ARL6IP4: variants seen among roughly 807,000 people sequenced by gnomAD.
The protein encoded by ARL6IP4 is ARF like GTPase 6 interacting protein 4, also known as ADP-ribosylation factor-like protein 6-interacting protein 4.
A neutral mutation model predicts 28.1 loss-of-function variants in ARL6IP4; 24 were observed. The ratio of observed to expected loss-of-function variants is 0.86; its 90% CI spans 0.62 to 1.20. The LOEUF is 1.20. ARL6IP4 is among the 50% of genes most tolerant of loss of function. The pLI, the probability that ARL6IP4 is intolerant of heterozygous loss-of-function variation, is 0.00. For missense variants in ARL6IP4, 343 were observed against 302.4 expected, an observed-to-expected ratio of 1.13 and a Z score of -1.00; for synonymous variants, 162 against 122.3, an observed-to-expected ratio of 1.32 and a Z score of -2.14.
intron 4 of ARL6IP4, 21 bp downstream of exon 4, chr12:122,982,095 CTT>C (rs2037701054): frequency 6.2e-7 from 1 of 1,607,996 alleles, no homozygotes; most frequent in African/African-American, 1.3e-5. Context: ...TTCGGCCTGA[CTT>C]ACACCACAGG....
rs754586842 is a variant in ARL6IP4, at chr12:122,981,347, G to A, written c.160+48G>A. On this transcript the variant is annotated intron_variant, in intron 2 of 5. Coordinates refer to ENST00000315580, the MANE Select transcript of ARL6IP4 (RefSeq NM_018694.4). ...AGAGGAGGCGCAGTTACTACCCGGG[G>A]AAGTCGGGCGAGCAGTGGTCGGGGA... 1.1e-5 allele frequency: 17 copies of A among 1,513,756 alleles called. No individual in the cohort carries two copies. The South Asian group carries it at 2.1e-4, about 19-fold the overall frequency. The allele number at this position is 1,513,756 out of a possible 1,614,324, so 93.8% of individuals were successfully genotyped here.
Position 122,981,849 on chromosome 12 carries a change from C to G in ARL6IP4, c.439C>G (p.Arg147Gly), listed in dbSNP as rs544394901. The stretch of plus-strand genomic sequence containing the variant: ...GGGCCCCTCGCTGGACCAGTGGCAC[C>G]GATCAGCTGGGGAGGAAGAGGATGG... ...LPGPSLDQWH[R>G]SAGEEEDGPV... The change falls in exon 3 of 6, where the codon CGA becomes GGA. Residue 147 changes from arginine (R) to glycine (G), a missense_variant. Transcript: ENST00000315580. The G allele has an allele frequency of 1.2e-6, 2 of 1,610,242 alleles. No homozygotes were observed. The highest frequency in any genetic ancestry group is 1.6e-4 in the Middle Eastern group (1 of 6,072).
rs766518769 is a variant in ARL6IP4, at chr12:122,982,523, CAGAG to C, written c.646_649del (p.Glu216SerfsTer?). The C allele has an allele frequency of 6.2e-6, 10 of 1,614,060 alleles. No homozygotes were observed. The highest frequency in any genetic ancestry group is 3.3e-5 in the Admixed American group (2 of 60,002). On this transcript the variant is annotated frameshift_variant, in exon 5 of 6. Coordinates refer to ENST00000315580, the MANE Select transcript of ARL6IP4 (RefSeq NM_018694.4). LOFTEE classifies it high-confidence loss of function. ...AGGAAATCGTAACCAAAGAACGACA[CAGAG>C]AGATCAACAAGGTGGGTGTGGCCCC...
In ARL6IP4 at chr12:122,982,536, A is replaced by G. The variant is rs575739194; in HGVS notation, c.655A>G (p.Lys219Glu). 1.4e-5 allele frequency: 23 copies of G among 1,614,110 alleles called. No individual in the cohort carries two copies. The South Asian group carries it at 2.1e-4, about 15-fold the overall frequency. ...CAAAGAACGACACAGAGAGATCAACAAGGTGGGTGTGGCCCCTCTGCCTGC... is the reference window on the plus strand; with the variant it reads ...CAAAGAACGACACAGAGAGATCAACGAGGTGGGTGTGGCCCCTCTGCCTGC... The part of the protein sequence containing the change: ...VTKERHREIN[K>E]QATRGDCLAF... Residue 219 changes from lysine to glutamate, a missense_variant and splice_region_variant, in exon 5 of 6, where the codon AAG becomes GAG. Transcript: ENST00000315580.
At chr12:122,980,293 T>C (rs1447099373), upstream of ARL6IP4, 1 of 1,272,772 alleles carries the variant, frequency 7.9e-7, no homozygotes, top group Non-Finnish European at 9.9e-7. Flanking sequence ...TGCCAAGATC[T>C]TTCTGGCCCC....
At chr12:122,981,416 C>T in intron 2 of ARL6IP4, 117 bp downstream of exon 2, 1 of 1,405,224 alleles carries the variant, frequency 7.1e-7, no homozygotes, top group Non-Finnish European at 9.4e-7. Flanking sequence ...GATGTGAGGG[C>T]CAGGCGCCGC....
chr12:122,980,853 C>T, intron 1 of ARL6IP4, 108 bp downstream of exon 1: 1 of 1,331,502 alleles, frequency 7.5e-7, no homozygotes, highest in Non-Finnish European at 9.5e-7. Flanking sequence ...CCACTCGCGG[C>T]GGACGGCGGC....
At chr12:122,980,468 G>C (rs550658632), upstream of ARL6IP4, 8 of 1,363,800 alleles carry the variant, frequency 5.9e-6, no homozygotes, top group East Asian at 8.5e-5. Context: ...GGGCGTGGGT[G>C]CTGCGGGCGT....
chr12:122,982,142 G>A, intron 4 of ARL6IP4, 68 bp downstream of exon 4: 1 of 1,552,896 alleles, frequency 6.4e-7, no homozygotes, highest in East Asian at 2.3e-5. Flanking sequence ...TGTGCTCTCG[G>A]GAGGAGTGGG....
Position 122,981,600 on chromosome 12 carries a change from A to G in ARL6IP4, c.190A>G (p.Ser64Gly). 6.4e-7 allele frequency: 1 copy of G among 1,559,246 alleles called. No homozygotes were observed. The highest frequency in any genetic ancestry group is 1.7e-4 in the Middle Eastern group (1 of 6,004). ...ACCTTCTCCCTGCATCACAGAGAGA[A>G]GCAAGCAGAAGGCCCGGAGGAGAAC... The part of the protein sequence containing the change: ...ASPSPCITER[S>G]KQKARRRTRS... Residue 64 changes from serine (S) to glycine (G), a missense_variant, in exon 3 of 6, where the codon AGC becomes GGC. Transcript: ENST00000315580.
At position 122,981,599 on chromosome 12, in the gene ARL6IP4, A is replaced by C; in HGVS notation, c.189A>C (p.Arg63Ser). 6.4e-7 allele frequency: 1 copy of C among 1,558,674 alleles called. No homozygotes were observed. The highest frequency in any genetic ancestry group is 8.7e-7 in the Non-Finnish European group (1 of 1,154,262). ...EASPSPCITE[R>S]SKQKARRRTR... ...CACCTTCTCCCTGCATCACAGAGAG[A>C]AGCAAGCAGAAGGCCCGGAGGAGAA... Residue 63 changes from arginine to serine, a missense_variant, in exon 3 of 6, where the codon AGA (arginine) becomes AGC (serine). By Grantham distance (110) the Arg-to-Ser change is moderately radical. Coordinates refer to ENST00000315580, the MANE Select transcript of ARL6IP4 (RefSeq NM_018694.4).
At position 122,982,707 on chromosome 12, in the gene ARL6IP4, C is replaced by T. The variant is rs367745682; in HGVS notation, c.*31C>T. On this transcript the variant is annotated 3_prime_UTR_variant, in exon 6 of 6. Coordinates refer to ENST00000315580, the MANE Select transcript of ARL6IP4 (RefSeq NM_018694.4). Reference sequence around the variant, plus strand: ...CCCGCTGGCCAAGGCCTGTGGACGACGCTGGCGGCCCAGCCTGGGCAGGTT... The same window carrying T: ...CCCGCTGGCCAAGGCCTGTGGACGATGCTGGCGGCCCAGCCTGGGCAGGTT... The T allele has an allele frequency of 1.9e-4, 303 of 1,605,304 alleles. 1 individual carries two copies. In the African/African-American group the frequency reaches 3.1e-3, roughly 17 times the overall value.
chr12:122,981,168 C>T lies in ARL6IP4; in HGVS notation c.29C>T (p.Ser10Leu), dbSNP rs374506555. 24 of 1,549,454 alleles carry T rather than the reference C, an allele frequency of 1.5e-5. No individual in the cohort carries two copies. The African/African-American group carries it at 2.9e-4, about 19-fold the overall frequency. Residue 10 changes from serine (S) to leucine (L), a missense_variant, in exon 2 of 6, where the codon TCG (serine) becomes TTG (leucine). Transcript: ENST00000315580. The stretch of plus-strand genomic sequence containing the variant: ...GCTCACGTCGGCTCCCGCAAGCGCT[C>T]GAGGAGTCGCAGCCGGTCCCGGGGA... MAHVGSRKRSRSRSRSRGRG... is the reference protein window; with the variant it reads MAHVGSRKRLRSRSRSRGRG...
At position 122,981,974 on chromosome 12, in the gene ARL6IP4, A is replaced by T. The variant is rs1317438912; in HGVS notation, c.487A>T (p.Lys163Ter). The change falls in exon 4 of 6, where the codon AAG becomes TAG. Residue 163 changes from lysine (K) to a stop codon, truncating the protein, a stop_gained. Transcript: ENST00000315580. LOFTEE classifies it high-confidence loss of function. Reference protein sequence around the residue: ...EDGPVLTDEQKSRIQAMKPMT... With the variant: ...EDGPVLTDEQ ...CCTTCCAGTCCTGACGGATGAGCAGAAGTCCCGAATCCAGGCCATGAAGCC... is the reference window on the plus strand; with the variant it reads ...CCTTCCAGTCCTGACGGATGAGCAGTAGTCCCGAATCCAGGCCATGAAGCC... 6.2e-7 allele frequency: 1 copy of T among 1,613,746 alleles called. No individual in the cohort carries two copies. The highest frequency in any genetic ancestry group is 2.2e-5 in the East Asian group (1 of 44,866).
chr12:122,982,161 G>T, intron 4 of ARL6IP4, 87 bp downstream of exon 4: 1 of 1,491,718 alleles, frequency 6.7e-7, no homozygotes, highest in Non-Finnish European at 9.3e-7. Context: ...GGGCCGGGCG[G>T]GGTTCCTGGT....
At chr12:122,980,559 C>T, upstream of ARL6IP4, 1 of 1,355,954 alleles carries the variant, frequency 7.4e-7, no homozygotes, top group South Asian at 1.8e-5. Flanking sequence ...AGGGCCGGCG[C>T]CCCTGCTTGC....
chr12:122,982,602 G>C lies in ARL6IP4; in HGVS notation c.658-18G>C, dbSNP rs767856159. 104 of 1,614,018 alleles carry C rather than the reference G, an allele frequency of 6.4e-5. No homozygotes were observed. The highest frequency in any genetic ancestry group is 8.2e-5 in the Non-Finnish European group (97 of 1,180,034). On this transcript the variant is annotated intron_variant, in intron 5 of 5. Coordinates refer to ENST00000315580, the MANE Select transcript of ARL6IP4 (RefSeq NM_018694.4). ...CTGTTTGTGATGTACCCCTCCTCCT[G>C]TGTGCTTTCTTCCCCAGCAAGCCAC... is the stretch of plus-strand genomic sequence containing the variant.
intron 4 of ARL6IP4, 106 bp from the exon 5 acceptor site, chr12:122,982,363 C>A: frequency 3.5e-6 from 4 of 1,135,228 alleles, no homozygotes; most frequent in Non-Finnish European, 5.1e-6. Context: ...CTCAAGGCTG[C>A]GGGGTGGGAG....
At chr12:122,980,679 G>C (rs953287404), upstream of ARL6IP4, 165 of 1,347,808 alleles carry the variant, frequency 1.2e-4, no homozygotes, top group Non-Finnish European at 1.5e-4. Context: ...CCGGCCGGAA[G>C]CCTCCTCGCC....
Sources: allele counts gnomAD v4.1 joint callset, GRCh38; gene constraint gnomAD v4.1.1; transcripts MANE v1.5; gene names NCBI Gene and HGNC (gene_info 2026-07-23, HGNC 2026-07-21).